Variants in MME observed in about 807,000 individuals in gnomAD.
MME encodes the protein membrane metalloendopeptidase, also known as neprilysin.
MME carries 98 observed loss-of-function variants against 113.2 expected under a neutral mutation model. That is an observed-to-expected ratio of 0.87 (90% CI 0.74 to 1.02). The LOEUF (loss-of-function observed/expected upper bound fraction) is 1.02, where lower values mean the gene tolerates loss of function less well. MME is among the 50% of genes least tolerant of loss of function. The pLI is 0.00. For synonymous variants in MME, 292 were observed against 300.6 expected (o/e 0.97, Z 0.30); for missense variants, 836 against 896.0 (o/e 0.93, Z 0.86).
intron 1 of MME, among the ~76,000 whole-genome samples, chr3:155,043,639 T>A (rs59823115): frequency 6.6e-6 from 1 of 151,986 alleles, no homozygotes; most frequent in Non-Finnish European, 1.5e-5. Context: ...GCCTTATGAA[T>A]CTATTTTTCT....
Position 155,118,820 on chromosome 3 carries a change from A to T in MME, c.720+9A>T, listed in dbSNP as rs1230412689. 6 of 1,533,728 alleles carry T rather than the reference A, an allele frequency of 3.9e-6. No homozygotes were observed. Among genetic ancestry groups the T allele is most frequent in the African/African-American group, 1.4e-5 (1 of 72,110 alleles). ...CTGGAATCTATAAAGAGGTAAAAAG[A>T]AAAAAAATAATCAAAACCAAACTAC... is the stretch of plus-strand genomic sequence containing the variant. On this transcript the variant is annotated intron_variant, in intron 8 of 22. Transcript: ENST00000360490.
chr3:155,061,450 C>CAAAA (rs768689390), intron 1 of MME, among the ~76,000 whole-genome samples: 3 of 52,474 alleles, frequency 5.7e-5, no homozygotes, highest in Non-Finnish European at 7.8e-5. Flanking sequence ...GGCTCCATCT[C>CAAAA]AAAAAAAAAA....
chr3:155,130,431 T>A (rs1015665301), intron 8 of MME, among the ~76,000 whole-genome samples: 2 of 152,172 alleles, frequency 1.3e-5, no homozygotes, highest in Non-Finnish European at 2.9e-5. Flanking sequence ...GAGTAGAAGC[T>A]ACAGGGTATA....
intron 8 of MME, among the ~76,000 whole-genome samples, chr3:155,129,175 GT>G (rs1559937118): frequency 1.3e-5 from 2 of 152,122 alleles, no homozygotes; most frequent in African/African-American, 4.8e-5. Context: ...TTCCTTGCCC[GT>G]CGCTTTAGCC....
intron 3 of MME, among the ~76,000 whole-genome samples, chr3:155,099,210 AG>A (rs1716997268): frequency 6.6e-6 from 1 of 152,154 alleles, no homozygotes. Flanking sequence ...TAATAAGAAG[AG>A]GTGCTGGAGG....
rs114321889 is a variant in MME, at chr3:155,167,326, C to T, written c.1780+305C>T. On this transcript the variant is annotated intron_variant, in intron 18 of 22. Transcript: ENST00000360490. ...GTCTTAGTTTCCTGGTTGTATATGA[C>T]GTATCTTGTCATACTCTTAAAGGAC... is the stretch of plus-strand genomic sequence containing the variant. Among the ~76,000 whole-genome samples the T allele has an allele frequency of 6.1e-3, 929 of 152,182 alleles. 12 individuals are homozygous for T. Among genetic ancestry groups the T allele is most frequent in the African/African-American group, 0.022 (894 of 41,534 alleles).
At chr3:155,057,558 C>CA (rs1713977059) in intron 1 of MME, among the ~76,000 whole-genome samples, 1 of 152,004 alleles carries the variant, frequency 6.6e-6, no homozygotes, top group Non-Finnish European at 1.5e-5. Flanking sequence ...CTTCTTTACT[C>CA]AGCTTGTCCC....
intron 2 of MME, 70 bp downstream of exon 2, chr3:155,084,397 A>G: frequency 7.3e-6 from 11 of 1,509,564 alleles, no homozygotes; most frequent in Non-Finnish European, 9.2e-6. Flanking sequence ...TGCTTTTACC[A>G]TCTATCCAAC....
Position 155,085,039 on chromosome 3 carries a change from A to G in MME, c.161-20A>G, listed in dbSNP as rs780349049. 4 of 1,547,810 alleles carry G rather than the reference A, an allele frequency of 2.6e-6. No homozygotes were observed. The highest frequency in any genetic ancestry group is 1.2e-5 in the South Asian group (1 of 84,868). On this transcript the variant is annotated intron_variant, in intron 2 of 22. Transcript: ENST00000360490. ...AAATTTGTGTTGCCAATATTTATGT[A>G]TATTCTCTCCTTTTTCTAGATGGTA...
chr3:155,075,813 G>A (rs1714728087), upstream of MME, among the ~76,000 whole-genome samples: 2 of 152,276 alleles, frequency 1.3e-5, no homozygotes, highest in South Asian at 4.1e-4. Flanking sequence ...ACACCACCAG[G>A]CCTGATTGAG....
At chr3:155,036,164 T>C (rs1177258689) in intron 1 of MME, among the ~76,000 whole-genome samples, 1 of 152,164 alleles carries the variant, frequency 6.6e-6, no homozygotes, top group African/African-American at 2.4e-5. Context: ...AAAATAGATA[T>C]GTCATATGTT....
intron 8 of MME, among the ~76,000 whole-genome samples, chr3:155,133,056 A>ATATATATAT (rs1466261014): frequency 1.2e-5 from 1 of 85,324 alleles, no homozygotes; most frequent in Admixed American, 1.0e-4. Context: ...AAAAAAAAAA[A>ATATATATAT]AAAAAAATAT....
chr3:155,082,904 A>G (rs977340632), intron 1 of MME, among the ~76,000 whole-genome samples: 2 of 152,206 alleles, frequency 1.3e-5, no homozygotes, highest in African/African-American at 2.4e-5. Context: ...TGTGTGTTCA[A>G]CAAAGATCTT....
intron 1 of MME, among the ~76,000 whole-genome samples, chr3:155,048,225 C>T (rs1713630837): frequency 6.6e-6 from 1 of 152,110 alleles, no homozygotes; most frequent in Non-Finnish European, 1.5e-5. Context: ...AAGAATTTCC[C>T]CCTAACTCAC....
chr3:155,164,164 T>C (rs1022587190), intron 17 of MME, among the ~76,000 whole-genome samples: 1 of 147,628 alleles, frequency 6.8e-6, no homozygotes, highest in Non-Finnish European at 1.5e-5. Flanking sequence ...AAAAAAAGAA[T>C]GTTTAATTAT....
chr3:155,027,461 A>T (rs1221283386), intron 1 of MME, among the ~76,000 whole-genome samples: 3 of 152,210 alleles, frequency 2.0e-5, no homozygotes, highest in African/African-American at 4.8e-5. Flanking sequence ...CTTAAAGGCT[A>T]TTAGCGGATT....
At chr3:155,145,762 T>G (rs1162759502) in intron 14 of MME, among the ~76,000 whole-genome samples, 4 of 152,216 alleles carry the variant, frequency 2.6e-5, no homozygotes, top group African/African-American at 9.6e-5. Context: ...AATTTTTTTG[T>G]GTGTTTACTA....
At chr3:155,081,521 A>G (rs1236761472) in intron 1 of MME, 1 of 151,954 alleles carries the variant, frequency 6.6e-6, no homozygotes, top group Non-Finnish European at 1.5e-5. Context: ...TAAACTTTTT[A>G]TTTAACACAT....
chr3:155,125,469 T>TC (rs1719571362), intron 8 of MME, among the ~76,000 whole-genome samples: 1 of 139,566 alleles, frequency 7.2e-6, no homozygotes, highest in South Asian at 2.5e-4. Flanking sequence ...TTTTTTTTTT[T>TC]TTTGAGACAG....
Sources: allele counts gnomAD v4.1 joint callset (sites outside exome capture counted in the v4.1 genomes callset), GRCh38; gene constraint gnomAD v4.1.1; transcripts MANE v1.5; gene names NCBI Gene and HGNC (gene_info 2026-07-23, HGNC 2026-07-21).